Variants in NSMCE3 observed in about 807,000 individuals in gnomAD.
The protein encoded by NSMCE3 is non-structural maintenance of chromosomes element 3 homolog.
For missense variants in NSMCE3, 452 were observed against 399.5 expected, an observed-to-expected ratio of 1.13 and a Z score of -1.12; for synonymous variants, 214 against 172.2, an observed-to-expected ratio of 1.24 and a Z score of -1.90.
Position 29,269,209 on chromosome 15 carries a change from T to G in NSMCE3, c.497A>C (p.Glu166Ala). 1 of 1,614,110 alleles carries G rather than the reference T, an allele frequency of 6.2e-7. No homozygotes were observed. Among genetic ancestry groups the G allele is most frequent in the South Asian group, 1.1e-5 (1 of 91,076 alleles). ...GGGCGTGCCTTGGTCACCCCTCATC[T>G]CGGCATCCTCCTCCACAGGCTCCAG... ...NTLEPVEEDA[E>A]MRGDQGTPTT... Residue 166 changes from glutamate (E) to alanine (A), a missense_variant, in exon 1 of 1, where the codon GAG becomes GCG. Coordinates refer to ENST00000332303, the MANE Select transcript of NSMCE3 (RefSeq NM_138704.4).
In NSMCE3 at chr15:29,269,079, G is replaced by A. The variant is rs2043545762; in HGVS notation, c.627C>T (p.Pro209=). The stretch of plus-strand genomic sequence containing the variant: ...CTCCGAAAATTAAATGCTTCTTGGT[G>A]GGGTAGACCCCTAAGCGCCGCAGAA... The part of the protein sequence containing the change: ...WDFLRRLGVY[P]TKKHLIFGDP... The change falls in exon 1 of 1, where the codon CCC becomes CCT. Residue 209 remains proline, a synonymous_variant. Coordinates refer to ENST00000332303, the MANE Select transcript of NSMCE3 (RefSeq NM_138704.4). 3.1e-6 allele frequency: 5 copies of A among 1,614,018 alleles called. No homozygotes were observed. Among genetic ancestry groups the A allele is most frequent in the African/African-American group, 2.7e-5 (2 of 74,910 alleles).
In NSMCE3 at chr15:29,269,257, T is replaced by C. The variant is rs771428256; in HGVS notation, c.449A>G (p.Asn150Ser). 4 of 1,614,178 alleles carry C rather than the reference T, an allele frequency of 2.5e-6. No homozygotes were observed. The highest frequency in any genetic ancestry group is 3.4e-6 in the Non-Finnish European group (4 of 1,180,022). ...CAGGGTGTTGATGAGGATGTAAGTG[T>C]TGCTCTTGGGTTCAAGTTCCACCAG... ...YKLVELEPKS[N>S]TYILINTLEP... is the part of the protein sequence containing the mutation. The change falls in exon 1 of 1, where the codon AAC becomes AGC. Residue 150 changes from asparagine to serine, a missense_variant. By Grantham distance (46) the Asn-to-Ser change is conservative (BLOSUM62 1). Coordinates refer to ENST00000332303, the MANE Select transcript of NSMCE3 (RefSeq NM_138704.4).
chr15:29,269,439 C>A lies in NSMCE3; in HGVS notation c.267G>T (p.Val89=), dbSNP rs1596144938. 2 of 1,614,078 alleles carry A rather than the reference C, an allele frequency of 1.2e-6. No individual in the cohort carries two copies. The highest frequency in any genetic ancestry group is 2.2e-5 in the East Asian group (1 of 44,856). ...TCAGCAAGAACTGCACCAGCTCGGA[C>A]ACTTTCAGCTCCAGCTGCTTCTGGC... is the stretch of plus-strand genomic sequence containing the variant. ...PRSQKQLELK[V]SELVQFLLIK... The change falls in exon 1 of 1, where the codon GTG becomes GTT. Residue 89 remains valine, a synonymous_variant. Transcript: ENST00000332303.
At position 29,269,129 on chromosome 15, in the gene NSMCE3, T is replaced by C. The variant is rs1331055673; in HGVS notation, c.577A>G (p.Ile193Val). The C allele has an allele frequency of 3.7e-6, 6 of 1,614,018 alleles. No individual in the cohort carries two copies. The highest frequency in any genetic ancestry group is 2.2e-5 in the East Asian group (1 of 44,886). The change falls in exon 1 of 1, where the codon ATC (isoleucine) becomes GTC (valine). Residue 193 changes from isoleucine to valine, a missense_variant. Transcript: ENST00000332303. ...LGLIFMKGNT[I>V]KETEAWDFLR... Reference sequence around the variant, plus strand: ...AAGTCCCAGGCTTCAGTTTCCTTGATGGTGTTGCCCTTCATAAAGATGAGC... The same window carrying C: ...AAGTCCCAGGCTTCAGTTTCCTTGACGGTGTTGCCCTTCATAAAGATGAGC...
At position 29,268,527 on chromosome 15, in the gene NSMCE3, C is replaced by T. The variant is rs34679395; in HGVS notation, c.*264G>A. 14,027 of 419,886 alleles carry T rather than the reference C, an allele frequency of 0.033. 339 individuals carry two copies. Among genetic ancestry groups the T allele is most frequent in the Non-Finnish European group, 0.044 (10,554 of 238,520 alleles). 26.0% of individuals were successfully genotyped at this position (419,886 alleles called of 1,614,324 possible). A position where few individuals can be genotyped will look rare whatever the true frequency, so the allele number is the denominator to read the frequency against. On this transcript the variant is annotated 3_prime_UTR_variant, in exon 1 of 1. Transcript: ENST00000332303. The stretch of plus-strand genomic sequence containing the variant: ...CTGTTCCAGATCATAGTCAAGTTTT[C>T]CAATTCGTTTTACTAAGCTAGCAAA...
Position 29,266,340 on chromosome 15 carries a change from A to G in NSMCE3, c.*2451T>C, listed in dbSNP as rs1334994871. ...GGGATTGGTAAACAAAAACAAAACA[A>G]AACTGTATAAAATGTTGATGGGAGT... is the stretch of plus-strand genomic sequence containing the variant. On this transcript the variant is annotated 3_prime_UTR_variant, in exon 1 of 1. Coordinates refer to ENST00000332303, the MANE Select transcript of NSMCE3 (RefSeq NM_138704.4). 6.6e-6 allele frequency: 1 copy of G among 152,260 alleles called. No homozygotes were observed. The highest frequency in any genetic ancestry group is 1.5e-5 in the Non-Finnish European group (1 of 68,056). 9.4% of individuals were successfully genotyped at this position (152,260 alleles called of 1,614,324 possible). A position where few individuals can be genotyped will look rare whatever the true frequency, so the allele number is the denominator to read the frequency against.
chr15:29,269,193 T>C lies in NSMCE3; in HGVS notation c.513A>G (p.Gln171=), dbSNP rs534078666. 2 of 1,614,134 alleles carry C rather than the reference T, an allele frequency of 1.2e-6. No individual in the cohort carries two copies. Among genetic ancestry groups the C allele is most frequent in the Non-Finnish European group, 1.7e-6 (2 of 1,180,014 alleles). ...TCAGGAGGCCCGTAGTGGGCGTGCCTTGGTCACCCCTCATCTCGGCATCCT... is the reference window on the plus strand; with the variant it reads ...TCAGGAGGCCCGTAGTGGGCGTGCCCTGGTCACCCCTCATCTCGGCATCCT... ...VEEDAEMRGD[Q]GTPTTGLLMI... Residue 171 remains glutamine (Q), a synonymous_variant, in exon 1 of 1, where the codon CAA becomes CAG. Transcript: ENST00000332303.
Position 29,267,537 on chromosome 15 carries a change from C to T in NSMCE3, c.*1254G>A, listed in dbSNP as rs1349775296. On this transcript the variant is annotated 3_prime_UTR_variant, in exon 1 of 1. Transcript: ENST00000332303. ...ATTCAAATTCAGTTTGCCAGACAGCCCCAAGACCCATACCCTTTTCCCTAT... is the reference window on the plus strand; with the variant it reads ...ATTCAAATTCAGTTTGCCAGACAGCTCCAAGACCCATACCCTTTTCCCTAT... 6.6e-6 allele frequency: 1 copy of T among 152,080 alleles called. No individual in the cohort carries two copies. Among genetic ancestry groups the T allele is most frequent in the Non-Finnish European group, 1.5e-5 (1 of 68,032 alleles). The allele number at this position is 152,080 out of a possible 1,614,324, so 9.4% of individuals were successfully genotyped here.
At position 29,269,120 on chromosome 15, in the gene NSMCE3, T is replaced by C. The variant is rs752251822; in HGVS notation, c.586A>G (p.Thr196Ala). Reference sequence around the variant, plus strand: ...CGCCGCAGAAAGTCCCAGGCTTCAGTTTCCTTGATGGTGTTGCCCTTCATA... The same window carrying C: ...CGCCGCAGAAAGTCCCAGGCTTCAGCTTCCTTGATGGTGTTGCCCTTCATA... The part of the protein sequence containing the change: ...IFMKGNTIKE[T>A]EAWDFLRRLG... The change falls in exon 1 of 1, where the codon ACT becomes GCT. Residue 196 changes from threonine to alanine, a missense_variant. By Grantham distance (58) the Thr-to-Ala change is moderately conservative (BLOSUM62 0). Coordinates refer to ENST00000332303, the MANE Select transcript of NSMCE3 (RefSeq NM_138704.4). 15 of 1,614,030 alleles carry C rather than the reference T, an allele frequency of 9.3e-6. No homozygotes were observed. Among genetic ancestry groups the C allele is most frequent in the Non-Finnish European group, 2.5e-6 (3 of 1,180,036 alleles).
rs757035560 is a variant in NSMCE3, at chr15:29,269,490, C to G, written c.216G>C (p.Gln72His). 2.5e-6 allele frequency: 4 copies of G among 1,609,432 alleles called. No homozygotes were observed. In the South Asian group the frequency reaches 3.3e-5, roughly 13 times the overall value. Residue 72 changes from glutamine (Q) to histidine (H), a missense_variant, in exon 1 of 1, where the codon CAG (glutamine) becomes CAC (histidine). Physicochemically the swap from Gln to His is conservative, Grantham distance 24. Coordinates refer to ENST00000332303, the MANE Select transcript of NSMCE3 (RefSeq NM_138704.4). ...GPSPQGARRA[Q>H]AAPAVGPRSQ... ...TCCTGGGCCCCACGGCGGGGGCGGCCTGGGCCCGGCGGGCGCCCTGAGGCG... is the reference window on the plus strand; with the variant it reads ...TCCTGGGCCCCACGGCGGGGGCGGCGTGGGCCCGGCGGGCGCCCTGAGGCG...
At position 29,268,511 on chromosome 15, in the gene NSMCE3, A is replaced by G. The variant is rs748555524; in HGVS notation, c.*280T>C. On this transcript the variant is annotated 3_prime_UTR_variant, in exon 1 of 1. Coordinates refer to ENST00000332303, the MANE Select transcript of NSMCE3 (RefSeq NM_138704.4). ...TTCCTTCTTGCATTATCTGTTCCAG[A>G]TCATAGTCAAGTTTTCCAATTCGTT... 7 of 404,916 alleles carry G rather than the reference A, an allele frequency of 1.7e-5. No individual in the cohort carries two copies. The highest frequency in any genetic ancestry group is 3.0e-5 in the Non-Finnish European group (7 of 229,530). 25.1% of individuals were successfully genotyped at this position (404,916 alleles called of 1,614,324 possible).
Position 29,268,822 on chromosome 15 carries a change from G to A in NSMCE3, c.884C>T (p.Pro295Leu). 6.2e-7 allele frequency: 1 copy of A among 1,613,540 alleles called. No individual in the cohort carries two copies. Among genetic ancestry groups the A allele is most frequent in the Non-Finnish European group, 8.5e-7 (1 of 1,179,588 alleles). Residue 295 changes from proline to leucine, a missense_variant, in exon 1 of 1, where the codon CCT (proline) becomes CTT (leucine). Coordinates refer to ENST00000332303, the MANE Select transcript of NSMCE3 (RefSeq NM_138704.4). The stretch of plus-strand genomic sequence containing the variant: ...GGATGGAGCTGGGCCACTAGGCTGA[G>A]GTCTGGCCCTGTTCTCCTCATCTGC... ...ALADEENRARPQPSGPAPSS is the reference protein window; with the variant it reads ...ALADEENRARLQPSGPAPSS
In NSMCE3 at chr15:29,268,462, G is replaced by A. The variant is rs188794191; in HGVS notation, c.*329C>T. 2.2e-4 allele frequency: 62 copies of A among 287,784 alleles called. No homozygotes were observed. The highest frequency in any genetic ancestry group is 1.3e-3 in the African/African-American group (58 of 46,008). The allele number at this position is 287,784 out of a possible 1,614,324, so 17.8% of individuals were successfully genotyped here. A position where few individuals can be genotyped will look rare whatever the true frequency, so the allele number is the denominator to read the frequency against. On this transcript the variant is annotated 3_prime_UTR_variant, in exon 1 of 1. Transcript: ENST00000332303. ...TGATAATAGCTTTTTTATTTTCTTG[G>A]CACCAAAGCAACTTACTTATGTGTT...
rs2043476125 is a variant in NSMCE3 at position 29,266,290 on chromosome 15, A to C, written c.*2501T>G. Reference sequence around the variant, plus strand: ...GGCTGAAAAGATACTGAAAAGGCCAAGTGTTCACAGGGGGTGAAGGTGGAG... The same window carrying C: ...GGCTGAAAAGATACTGAAAAGGCCACGTGTTCACAGGGGGTGAAGGTGGAG... On this transcript the variant is annotated 3_prime_UTR_variant, in exon 1 of 1. Coordinates refer to ENST00000332303, the MANE Select transcript of NSMCE3 (RefSeq NM_138704.4). The C allele has an allele frequency of 1.3e-5, 2 of 152,272 alleles. No individual in the cohort carries two copies. Among genetic ancestry groups the C allele is most frequent in the Admixed American group, 1.3e-4 (2 of 15,286 alleles). The allele number at this position is 152,272 out of a possible 1,614,324, so 9.4% of individuals were successfully genotyped here. A position where few individuals can be genotyped will look rare whatever the true frequency, so the allele number is the denominator to read the frequency against.
Position 29,266,152 on chromosome 15 carries a change from C to A in NSMCE3, c.*2639G>T, listed in dbSNP as rs2043473290. 1 of 152,126 alleles carries A rather than the reference C, an allele frequency of 6.6e-6. No homozygotes were observed. The highest frequency in any genetic ancestry group is 2.1e-4 in the South Asian group (1 of 4,822). The allele number at this position is 152,126 out of a possible 1,614,324, so 9.4% of individuals were successfully genotyped here. A position where few individuals can be genotyped will look rare whatever the true frequency, so the allele number is the denominator to read the frequency against. On this transcript the variant is annotated 3_prime_UTR_variant, in exon 1 of 1. Transcript: ENST00000332303. ...TAGAAATAGGTCTAAGACATGAAATCTGACACTCAAAAAGGAGTGAGAGCA... is the reference window on the plus strand; with the variant it reads ...TAGAAATAGGTCTAAGACATGAAATATGACACTCAAAAAGGAGTGAGAGCA...
In NSMCE3 at chr15:29,265,484, C is replaced by T. The variant is rs1452776808; in HGVS notation, c.*3307G>A. 6.6e-6 allele frequency: 1 copy of T among 152,110 alleles called. No homozygotes were observed. Among genetic ancestry groups the T allele is most frequent in the Non-Finnish European group, 1.5e-5 (1 of 68,038 alleles). 9.4% of individuals were successfully genotyped at this position (152,110 alleles called of 1,614,324 possible). A position where few individuals can be genotyped will look rare whatever the true frequency, so the allele number is the denominator to read the frequency against. ...CAAAACCCCGTCTCTACTAAAAGTACAAAAATTAGCCGGACGTGGTGGCGG... is the reference window on the plus strand; with the variant it reads ...CAAAACCCCGTCTCTACTAAAAGTATAAAAATTAGCCGGACGTGGTGGCGG... On this transcript the variant is annotated 3_prime_UTR_variant, in exon 1 of 1. Transcript: ENST00000332303.
rs930461072 is a variant in NSMCE3 at position 29,266,689 on chromosome 15, A to C, written c.*2102T>G. On this transcript the variant is annotated 3_prime_UTR_variant, in exon 1 of 1. Transcript: ENST00000332303. ...TAAATCATGAAAGCCCACAAAATAA[A>C]ACTCTATATTGGTTATGTATATATA... 1 of 152,192 alleles carries C rather than the reference A, an allele frequency of 6.6e-6. No homozygotes were observed. The highest frequency in any genetic ancestry group is 1.5e-5 in the Non-Finnish European group (1 of 68,040). The allele number at this position is 152,192 out of a possible 1,614,324, so 9.4% of individuals were successfully genotyped here.
rs1291249518 is a variant in NSMCE3 at position 29,269,334 on chromosome 15, G to T, written c.372C>A (p.Pro124=). The T allele has an allele frequency of 6.2e-7, 1 of 1,614,062 alleles. No individual in the cohort carries two copies. Among genetic ancestry groups the T allele is most frequent in the Non-Finnish European group, 8.5e-7 (1 of 1,180,044 alleles). ...GCTCGGCGGCCCGTTTGAAGAGGTC[G>T]GGGAAGATGTCCTTGTAGTCCCCGA... ...HVIGDYKDIF[P]DLFKRAAERL... The change falls in exon 1 of 1, where the codon CCC becomes CCA. Residue 124 remains proline, a synonymous_variant. Coordinates refer to ENST00000332303, the MANE Select transcript of NSMCE3 (RefSeq NM_138704.4).
In NSMCE3 at chr15:29,269,533, T is replaced by G; in HGVS notation, c.173A>C (p.Gln58Pro). The G allele has an allele frequency of 6.6e-7, 1 of 1,523,750 alleles. No homozygotes were observed. The highest frequency in any genetic ancestry group is 2.7e-5 in the East Asian group (1 of 37,274). 94.4% of individuals were successfully genotyped at this position (1,523,750 alleles called of 1,614,324 possible). A position where few individuals can be genotyped will look rare whatever the true frequency, so the allele number is the denominator to read the frequency against. ...PSTSRGPGGS[Q>P]GSQGPSPQGA... ...CTGAGGCGAGGGGCCCTGCGACCCC[T>G]GCGAGCCGCCCGGCCCGCGGGACGT... is the stretch of plus-strand genomic sequence containing the variant. Residue 58 changes from glutamine (Q) to proline (P), a missense_variant, in exon 1 of 1, where the codon CAG becomes CCG. Coordinates refer to ENST00000332303, the MANE Select transcript of NSMCE3 (RefSeq NM_138704.4).
Sources: gnomAD v4.1 joint callset for allele counts on GRCh38, gnomAD v4.1.1 for gene constraint, MANE v1.5 for transcripts, NCBI Gene and HGNC (gene_info 2026-07-23, HGNC 2026-07-21) for gene names.